HERC4: variants seen among roughly 807,000 people sequenced by gnomAD.
HERC4 encodes HECT and RLD domain containing E3 ubiquitin protein ligase 4.
A neutral mutation model predicts 124.3 loss-of-function variants in HERC4; 28 were observed. The ratio of observed to expected loss-of-function variants is 0.23; its 90% confidence interval spans 0.17 to 0.31. The LOEUF (loss-of-function observed/expected upper bound fraction) is 0.31. Among genes scored for constraint, HERC4 ranks in the 10% least tolerant of loss-of-function variants. The pLI, the probability that HERC4 is intolerant of heterozygous loss-of-function variation, is 1.00. For synonymous variants in HERC4, 407 were observed against 421.5 expected, an observed-to-expected ratio of 0.97 and a Z score of 0.42; for missense variants, 713 against 1,229.3, an observed-to-expected ratio of 0.58 and a Z score of 6.28.
intron 19 of HERC4, among the ~76,000 whole-genome samples, chr10:67,946,728 G>GA (rs2033389238): frequency 6.6e-6 from 1 of 152,192 alleles, no homozygotes; most frequent in African/African-American, 2.4e-5. Flanking sequence ...CCAACATGGT[G>GA]AAACCTCATC....
At chr10:68,005,597 C>A (rs1437861509) in intron 9 of HERC4, among the ~76,000 whole-genome samples, 1 of 150,568 alleles carries the variant, frequency 6.6e-6, no homozygotes, top group South Asian at 2.1e-4. Context: ...GTTTTATGGT[C>A]TTCTCTTCCT....
chr10:68,014,466 A>G (rs1246048580), intron 8 of HERC4, among the ~76,000 whole-genome samples: 1 of 152,010 alleles, frequency 6.6e-6, no homozygotes, highest in African/African-American at 2.4e-5. Context: ...CTTACAATAA[A>G]CGATTCAGCA....
At chr10:68,017,713 C>A (rs1466552268) in intron 8 of HERC4, among the ~76,000 whole-genome samples, 1 of 151,992 alleles carries the variant, frequency 6.6e-6, no homozygotes, top group African/African-American at 2.4e-5. Context: ...GGTCATGAAC[C>A]CCTGACCTCA....
rs371439506 is a variant in HERC4, at chr10:67,947,735, A to G, written c.2338-6630T>C. On this transcript the variant is annotated intron_variant, in intron 19 of 24. Coordinates refer to ENST00000373700, the MANE Select transcript of HERC4 (RefSeq NM_015601.4). ...ACTTTCAATAAATTTTAAAAAGACT[A>G]AAATCATAAAAAATTATCTTCTCAT... Among the ~76,000 whole-genome samples the G allele has an allele frequency of 7.2e-5, 11 of 152,314 alleles. No individual in the cohort carries two copies. In the East Asian group the frequency reaches 2.1e-3, roughly 29 times the overall value.
chr10:67,961,646 T>A (rs1034290090), intron 16 of HERC4, among the ~76,000 whole-genome samples: 1 of 152,164 alleles, frequency 6.6e-6, no homozygotes, highest in African/African-American at 2.4e-5. Context: ...ACAATTGGTA[T>A]CAGAAGTGAG....
intron 19 of HERC4, among the ~76,000 whole-genome samples, chr10:67,941,668 A>AC (rs2032903913): frequency 7.9e-6 from 1 of 125,792 alleles, no homozygotes; most frequent in Admixed American, 7.8e-5. Context: ...CTAAAACACA[A>AC]CTTTTTTTTT....
chr10:68,058,432 C>A (rs907201797), intron 3 of HERC4, among the ~76,000 whole-genome samples: 2 of 152,122 alleles, frequency 1.3e-5, no homozygotes, highest in Non-Finnish European at 2.9e-5. Context: ...CCCTACAGGA[C>A]AATATACAGT....
chr10:67,938,494 A>C (rs765794026), intron 21 of HERC4, among the ~76,000 whole-genome samples: 22 of 151,142 alleles, frequency 1.5e-4, no homozygotes, highest in Non-Finnish European at 2.5e-4. Flanking sequence ...AAGGTTTTAC[A>C]ATTTCTCCAA....
At chr10:68,014,585 G>C (rs550900559) in intron 8 of HERC4, among the ~76,000 whole-genome samples, 1 of 152,122 alleles carries the variant, frequency 6.6e-6, no homozygotes, top group Admixed American at 6.5e-5. Flanking sequence ...GTATCACCGA[G>C]AAGTTTTAGG....
intron 3 of HERC4, among the ~76,000 whole-genome samples, chr10:68,059,721 T>TAATATTATA (rs1239790042): frequency 2.4e-5 from 1 of 42,324 alleles, no homozygotes; most frequent in Non-Finnish European, 3.0e-5. Flanking sequence ...CATAATATTA[T>TAATATTATA]ATATTATATA....
intron 23 of HERC4, among the ~76,000 whole-genome samples, chr10:67,929,708 T>C (rs2031566385): frequency 6.6e-6 from 1 of 151,374 alleles, no homozygotes; most frequent in Non-Finnish European, 1.5e-5. Flanking sequence ...AGAGACAGGG[T>C]TTTATCATGT....
intron 3 of HERC4, among the ~76,000 whole-genome samples, chr10:68,066,839 A>C (rs2041328118): frequency 1.3e-5 from 2 of 152,232 alleles, no homozygotes; most frequent in Non-Finnish European, 2.9e-5. Context: ...GTTATACTGA[A>C]GTATCAAAGT....
intron 3 of HERC4, among the ~76,000 whole-genome samples, chr10:68,051,950 T>C (rs1294527500): frequency 6.6e-6 from 1 of 152,060 alleles, no homozygotes; most frequent in Admixed American, 6.6e-5. Flanking sequence ...ATTACAGGCA[T>C]GAGCCACCGC....
chr10:67,941,669 CTTTTTTTTTTTTTTTTTT>C (rs755666986), intron 19 of HERC4, among the ~76,000 whole-genome samples: 1 of 91,762 alleles, frequency 1.1e-5, no homozygotes, highest in Non-Finnish European at 2.1e-5. Context: ...TAAAACACAA[CTTTTTTTTTTTTTTTTTT>C]TTTTTTTTTG....
At chr10:67,929,103 C>A (rs557113758) in intron 23 of HERC4, among the ~76,000 whole-genome samples, 1 of 151,450 alleles carries the variant, frequency 6.6e-6, no homozygotes, top group East Asian at 1.9e-4. Flanking sequence ...ATTTTTATTC[C>A]ATTTCTGTCA....
chr10:68,039,299 G>C (rs2039639824), intron 4 of HERC4: 1 of 1,307,952 alleles, frequency 7.6e-7, no homozygotes, highest in South Asian at 1.6e-5. Flanking sequence ...ATGGGCGATA[G>C]AGTAAGACCC....
chr10:67,996,398 C>T (rs1455277764), intron 9 of HERC4, among the ~76,000 whole-genome samples: 1 of 152,138 alleles, frequency 6.6e-6, no homozygotes, highest in Non-Finnish European at 1.5e-5. Context: ...GAGCTATTCA[C>T]AATTCTGTAA....
At chr10:67,943,791 C>T (rs545935405) in intron 19 of HERC4, among the ~76,000 whole-genome samples, 3 of 152,228 alleles carry the variant, frequency 2.0e-5, no homozygotes, top group Non-Finnish European at 4.4e-5. Context: ...TTCTTGAAAA[C>T]CCAAAGGATA....
chr10:68,060,576 C>A (rs539817465), intron 3 of HERC4, among the ~76,000 whole-genome samples: 1 of 152,268 alleles, frequency 6.6e-6, no homozygotes, highest in African/African-American at 2.4e-5. Context: ...CACTAAATTT[C>A]TCTCCAATTA....
Sources: allele counts gnomAD v4.1 joint callset (sites outside exome capture counted in the v4.1 genomes callset), GRCh38; gene constraint gnomAD v4.1.1; transcripts MANE v1.5; gene names NCBI Gene and HGNC (gene_info 2026-07-23, HGNC 2026-07-21).